The following BNC2 variants were observed in gnomAD, a reference collection of about 807,000 sequenced individuals.
The protein encoded by BNC2 is zinc finger protein basonuclin-2.
In BNC2, 20 loss-of-function variants were observed where a neutral mutation model predicts 76.3. The observed-to-expected ratio is 0.26, with a 90% CI of 0.18 to 0.38. The LOEUF is 0.38. BNC2 is among the 10% of genes least tolerant of loss of function. The pLI is 1.00. For missense variants in BNC2, 1,382 were observed against 1,399.8 expected (o/e 0.99, Z 0.20); for synonymous variants, 582 against 514.8 (o/e 1.13, Z -1.77).
At chr9:16,519,197 T>A (rs1244094128) in intron 5 of BNC2, among the ~76,000 whole-genome samples, 1 of 152,118 alleles carries the variant, frequency 6.6e-6, no homozygotes, top group Non-Finnish European at 1.5e-5. Flanking sequence ...TGACCTTCAT[T>A]TGCATGATAA....
intron 5 of BNC2, among the ~76,000 whole-genome samples, chr9:16,497,382 C>A (rs1822412151): frequency 6.6e-6 from 1 of 152,126 alleles, no homozygotes; most frequent in Admixed American, 6.5e-5. Context: ...TAATGTTAAT[C>A]CAAGTTGGTT....
chr9:16,610,704 A>G (rs1278190392), intron 3 of BNC2, among the ~76,000 whole-genome samples: 3 of 152,182 alleles, frequency 2.0e-5, no homozygotes, highest in African/African-American at 7.2e-5. Context: ...AGTTGAAGAA[A>G]CGCAACACTC....
intron 5 of BNC2, among the ~76,000 whole-genome samples, chr9:16,500,703 GATC>G (rs1327669084): frequency 2.0e-5 from 3 of 152,134 alleles, no homozygotes; most frequent in African/African-American, 7.2e-5. Flanking sequence ...GGAAAATAAT[GATC>G]ATCCCTTAAT....
chr9:16,822,861 AT>A (rs896942916), intron 1 of BNC2, among the ~76,000 whole-genome samples: 16 of 152,182 alleles, frequency 1.1e-4, no homozygotes, highest in Non-Finnish European at 1.3e-4. Flanking sequence ...AAATTTGAAT[AT>A]TTTTTTAAGC....
At chr9:16,771,570 A>G (rs574549528) in intron 1 of BNC2, among the ~76,000 whole-genome samples, 2 of 152,354 alleles carry the variant, frequency 1.3e-5, no homozygotes, top group African/African-American at 4.8e-5. Flanking sequence ...CTGCATGAAT[A>G]GTCAGCAAAA....
intron 3 of BNC2, among the ~76,000 whole-genome samples, chr9:16,602,047 C>T (rs1246682633): frequency 6.6e-6 from 1 of 152,062 alleles, no homozygotes; most frequent in Admixed American, 6.5e-5. Flanking sequence ...GAGGAGGGTA[C>T]CATTCTGCTT....
chr9:16,863,954 A>C (rs889102262), intron 1 of BNC2, among the ~76,000 whole-genome samples: 1 of 152,184 alleles, frequency 6.6e-6, no homozygotes, highest in African/African-American at 2.4e-5. Context: ...TTGGGTAAAG[A>C]GGGACAAATG....
chr9:16,611,198 A>T (rs1820536038), intron 3 of BNC2, among the ~76,000 whole-genome samples: 1 of 152,192 alleles, frequency 6.6e-6, no homozygotes, highest in African/African-American at 2.4e-5. Flanking sequence ...GCCGAAATAT[A>T]TTTGTTACAA....
chr9:16,604,983 A>G (rs764123198), intron 3 of BNC2, among the ~76,000 whole-genome samples: 3 of 152,000 alleles, frequency 2.0e-5, no homozygotes, highest in Non-Finnish European at 4.4e-5. Context: ...AAATCCCTCC[A>G]CTCTCGGGAA....
intron 1 of BNC2, among the ~76,000 whole-genome samples, chr9:16,870,119 G>A (rs1043267252): frequency 2.6e-5 from 4 of 152,152 alleles, no homozygotes; most frequent in Non-Finnish European, 5.9e-5. Context: ...GGGAGAGGAA[G>A]AGTCAACGTG....
chr9:16,592,541 G>A (rs993058255), intron 3 of BNC2, among the ~76,000 whole-genome samples: 1 of 152,052 alleles, frequency 6.6e-6, no homozygotes, highest in Non-Finnish European at 1.5e-5. Flanking sequence ...TGAGGCTTAG[G>A]GTGACAGCTA....
At chr9:16,801,371 G>A (rs565131453) in intron 1 of BNC2, among the ~76,000 whole-genome samples, 5 of 151,890 alleles carry the variant, frequency 3.3e-5, no homozygotes, top group African/African-American at 9.7e-5. Flanking sequence ...TCAGCCTGCC[G>A]AGTAGCTGGG....
rs1818258315 is a variant in BNC2, at chr9:16,819,344, G to C, written c.3+51302C>G. Among the ~76,000 whole-genome samples, 7 of 152,144 alleles carry C rather than the reference G, an allele frequency of 4.6e-5. 1 individual carries two copies. Among genetic ancestry groups the C allele is most frequent in the Admixed American group, 3.9e-4 (6 of 15,286 alleles). ...AGAAATGATGCCCTAATGTCAGCAA[G>C]CATAAAAGGAATCATTAATAAGAAA... On this transcript the variant is annotated intron_variant, in intron 1 of 6. Coordinates refer to ENST00000380672, the MANE Select transcript of BNC2 (RefSeq NM_017637.6).
At chr9:16,672,080 G>A (rs913875342) in intron 3 of BNC2, among the ~76,000 whole-genome samples, 2 of 152,210 alleles carry the variant, frequency 1.3e-5, no homozygotes, top group African/African-American at 4.8e-5. Context: ...CTAACAGCAA[G>A]GGGTGTTGCT....
rs562530499 is a variant in BNC2, at chr9:16,692,293, C to A, written c.330+35504G>T. 3.9e-5 allele frequency among the ~76,000 whole-genome samples: 6 copies of A among 152,286 alleles called. No homozygotes were observed. The East Asian group carries it at 1.2e-3, about 29-fold the overall frequency. On this transcript the variant is annotated intron_variant, in intron 3 of 6. Transcript: ENST00000380672. ...AGTATGCCACACCCAGGTTAACTTA[C>A]TTTCTATCCTCAACACTCAACTCCA...
chr9:16,736,778 GT>G (rs1461146947), intron 2 of BNC2, among the ~76,000 whole-genome samples: 6 of 145,022 alleles, frequency 4.1e-5, no homozygotes, highest in Admixed American at 1.4e-4. Context: ...CCGACCTATT[GT>G]TTTTTTTTTC....
At chr9:16,525,437 G>A (rs1055142680) in intron 5 of BNC2, among the ~76,000 whole-genome samples, 1 of 151,910 alleles carries the variant, frequency 6.6e-6, no homozygotes, top group Non-Finnish European at 1.5e-5. Context: ...AATATAGAAA[G>A]AACCTGAAAA....
chr9:16,560,954 G>C (rs770711270), intron 4 of BNC2, among the ~76,000 whole-genome samples: 2 of 152,000 alleles, frequency 1.3e-5, no homozygotes, highest in Non-Finnish European at 2.9e-5. Context: ...TTTGAAAATT[G>C]TGGCCAGGCA....
intron 5 of BNC2, among the ~76,000 whole-genome samples, chr9:16,550,337 C>A (rs916293729): frequency 2.0e-5 from 3 of 152,138 alleles, no homozygotes; most frequent in Non-Finnish European, 4.4e-5. Flanking sequence ...TCCAATGTGG[C>A]CCAGGAAGCC....
Sources: allele counts gnomAD v4.1 joint callset (sites outside exome capture counted in the v4.1 genomes callset), GRCh38; gene constraint gnomAD v4.1.1; transcripts MANE v1.5; gene names NCBI Gene and HGNC (gene_info 2026-07-23, HGNC 2026-07-21).